Variants in PRIM2 observed in about 807,000 individuals in gnomAD.
The protein encoded by PRIM2 is DNA primase subunit 2, also known as DNA primase large subunit.
Under a neutral mutation model 67.3 loss-of-function variants are expected in PRIM2, and 39 were observed. That is an observed-to-expected ratio of 0.58 (90% confidence interval 0.45 to 0.76). The LOEUF (loss-of-function observed/expected upper bound fraction) is 0.76. Among genes scored for constraint, PRIM2 ranks in the 30% least tolerant of loss-of-function variants. The pLI, the probability that PRIM2 is intolerant of heterozygous loss-of-function variation, is 0.00. For missense variants in PRIM2, 398 were observed against 598.7 expected (o/e 0.66, Z 3.50); for synonymous variants, 143 against 198.7 (o/e 0.72, Z 2.36).
intron 8 of PRIM2, among the ~76,000 whole-genome samples, chr6:57,530,280 G>C (rs1230054571): frequency 1.3e-5 from 2 of 152,182 alleles, no homozygotes; most frequent in Non-Finnish European, 2.9e-5. Context: ...AATTTCTAGA[G>C]AAGTGACATG....
intron 5 of PRIM2, among the ~76,000 whole-genome samples, chr6:57,362,109 A>G (rs1005149577): frequency 3.3e-5 from 5 of 152,280 alleles, no homozygotes; most frequent in African/African-American, 1.2e-4. Flanking sequence ...CAAATAGGAT[A>G]CCTTTGTCAA....
intron 8 of PRIM2, among the ~76,000 whole-genome samples, chr6:57,523,192 A>G (rs1581968514): frequency 6.6e-6 from 1 of 152,254 alleles, no homozygotes; most frequent in African/African-American, 2.4e-5. Flanking sequence ...ACACTCAGAC[A>G]TTTCATTTGT....
chr6:57,305,245 T>C, the PRIM2 span, among the ~76,000 whole-genome samples: 1 of 152,322 alleles, frequency 6.6e-6, no homozygotes, highest in African/African-American at 2.4e-5. Flanking sequence ...GGAATTTCAA[T>C]GGGAAAGCCA....
intron 5 of PRIM2, among the ~76,000 whole-genome samples, chr6:57,328,644 G>C (rs1477801940): frequency 6.6e-6 from 1 of 152,182 alleles, no homozygotes; most frequent in Non-Finnish European, 1.5e-5. Context: ...CCAGGTTTTT[G>C]TGTGAATATG....
At position 57,455,545 on chromosome 6, in the gene PRIM2, C is replaced by G. The variant is rs1472367623; in HGVS notation, c.694-51842C>G. On this transcript the variant is annotated intron_variant, in intron 7 of 13. Transcript: ENST00000615550. ...GATCCCTTTACCATTATGTAATGGC[C>G]TGCTTTGTCTCTTTTGATCTTTGTT... Among the ~76,000 whole-genome samples, 9 of 152,232 alleles carry G rather than the reference C, an allele frequency of 5.9e-5. No homozygotes were observed. The South Asian group carries it at 1.5e-3, about 25-fold the overall frequency.
chr6:57,353,293 T>C (rs892773305), intron 5 of PRIM2, among the ~76,000 whole-genome samples: 5 of 152,164 alleles, frequency 3.3e-5, no homozygotes, highest in Non-Finnish European at 5.9e-5. Context: ...TGGAACTGTT[T>C]GGTTGATTAG....
At chr6:57,514,084 A>G (rs1392714828) in intron 8 of PRIM2, among the ~76,000 whole-genome samples, 1 of 152,192 alleles carries the variant, frequency 6.6e-6, no homozygotes, top group Non-Finnish European at 1.5e-5. Context: ...ACAAACCGTT[A>G]TTTTAAAATC....
intron 5 of PRIM2, among the ~76,000 whole-genome samples, chr6:57,327,101 A>G (rs533681397): frequency 2.0e-5 from 3 of 152,092 alleles, no homozygotes; most frequent in South Asian, 2.1e-4. Flanking sequence ...TAGTTTTGCC[A>G]TGTTGGCCAG....
At chr6:57,287,745 A>G in the PRIM2 span, among the ~76,000 whole-genome samples, 2 of 151,844 alleles carry the variant, frequency 1.3e-5, no homozygotes, top group African/African-American at 4.8e-5. Flanking sequence ...CTGCATGTTC[A>G]GCACATGTAT....
intron 7 of PRIM2, among the ~76,000 whole-genome samples, chr6:57,487,639 A>G (rs1359446395): frequency 2.0e-5 from 3 of 152,380 alleles, no homozygotes; most frequent in Non-Finnish European, 4.4e-5. Flanking sequence ...TTTTACTAAA[A>G]ACCATATGGC....
At position 57,520,525 on chromosome 6, in the gene PRIM2, A is replaced by C. The variant is rs1458323000; in HGVS notation, c.762-11886A>C. On this transcript the variant is annotated intron_variant, in intron 8 of 13. Transcript: ENST00000615550. ...GAGAGTAAAGGAACATAAAATTTTT[A>C]CTCATGAAAATAGATATGTTTGTTG... Among the ~76,000 whole-genome samples, 32 of 152,182 alleles carry C rather than the reference A, an allele frequency of 2.1e-4. 1 individual carries two copies. The highest frequency in any genetic ancestry group is 1.9e-3 in the Admixed American group (29 of 15,268).
chr6:57,371,718 A>G (rs1001358294), intron 5 of PRIM2, among the ~76,000 whole-genome samples: 3 of 152,252 alleles, frequency 2.0e-5, no homozygotes, highest in African/African-American at 7.2e-5. Flanking sequence ...AAAAGCAATG[A>G]AAGAGCATCG....
chr6:57,553,273 T>A (rs1562790082), intron 10 of PRIM2, among the ~76,000 whole-genome samples: 2 of 152,198 alleles, frequency 1.3e-5, no homozygotes, highest in South Asian at 4.1e-4. Flanking sequence ...ATATTATAAT[T>A]TGATGTCTCT....
chr6:57,480,527 G>A (rs1773594362), intron 7 of PRIM2, among the ~76,000 whole-genome samples: 1 of 152,150 alleles, frequency 6.6e-6, no homozygotes. Context: ...ATGGATTCAT[G>A]TAACCATCAC....
At chr6:57,439,574 C>T (rs1772134968) in intron 7 of PRIM2, among the ~76,000 whole-genome samples, 1 of 151,662 alleles carries the variant, frequency 6.6e-6, no homozygotes, top group Non-Finnish European at 1.5e-5. Flanking sequence ...CGCCACCACG[C>T]CCAGCTACTT....
chr6:57,267,771 A>G, the PRIM2 span, among the ~76,000 whole-genome samples: 11 of 149,608 alleles, frequency 7.4e-5, no homozygotes, highest in Non-Finnish European at 1.5e-4. Flanking sequence ...TTAGCTAGGC[A>G]TGGTGGCACA....
chr6:57,307,796 T>G, the PRIM2 span, among the ~76,000 whole-genome samples: 1 of 152,170 alleles, frequency 6.6e-6, no homozygotes, highest in Non-Finnish European at 1.5e-5. Context: ...TTGATCTCAC[T>G]TTCTTCTCTT....
intron 7 of PRIM2, among the ~76,000 whole-genome samples, chr6:57,456,605 C>G (rs554241594): frequency 6.6e-6 from 1 of 152,120 alleles, no homozygotes; most frequent in African/African-American, 2.4e-5. Context: ...GCATTCGTCA[C>G]GTAGTTCTCG....
intron 8 of PRIM2, among the ~76,000 whole-genome samples, chr6:57,528,179 G>T (rs1450871617): frequency 4.0e-5 from 6 of 150,260 alleles, no homozygotes; most frequent in African/African-American, 1.5e-4. Context: ...ATGTTGCCCA[G>T]GCTGATCTCT....
Sources: gnomAD v4.1 joint callset for allele counts (sites outside exome capture counted in the v4.1 genomes callset) on GRCh38, gnomAD v4.1.1 for gene constraint, MANE v1.5 for transcripts, NCBI Gene and HGNC (gene_info 2026-07-23, HGNC 2026-07-21) for gene names.